Variants in RCL1 observed in about 807,000 individuals in gnomAD.
RCL1 encodes RNA terminal phosphate cyclase like 1, also known as RNA 3'-terminal phosphate cyclase-like protein.
A neutral mutation model predicts 42.4 loss-of-function variants in RCL1; 24 were observed. The ratio of observed to expected loss-of-function variants is 0.57; its 90% CI spans 0.41 to 0.80. RCL1 has a LOEUF of 0.80. Among genes scored for constraint, RCL1 ranks in the 30% least tolerant of loss-of-function variants. The pLI, the probability that RCL1 is intolerant of heterozygous loss-of-function variation, is 0.00. For missense variants in RCL1, 578 were observed against 467.9 expected (o/e 1.24, Z -2.17); for synonymous variants, 228 against 177.3 (o/e 1.29, Z -2.27).
Position 4,860,237 on chromosome 9 carries a change from G to A in RCL1, c.1084G>A (p.Gly362Ser). The change falls in exon 9 of 9, where the codon GGC becomes AGC. Residue 362 changes from glycine to serine, a missense_variant. Gly to Ser is a moderately conservative substitution (Grantham distance 56). Transcript: ENST00000381750. ...GGDKVLMTCV[G>S]IGFSNLSKTL... is the part of the protein sequence containing the mutation. ...GGATAAAGTGCTGATGACCTGTGTT[G>A]GCATTGGTTTCTCCAACCTTAGCAA... 1.2e-6 allele frequency: 2 copies of A among 1,613,566 alleles called. No individual in the cohort carries two copies. The highest frequency in any genetic ancestry group is 1.7e-6 in the Non-Finnish European group (2 of 1,179,794).
chr9:4,817,235 G>A (rs1210943746), intron 1 of RCL1, among the ~76,000 whole-genome samples: 1 of 151,854 alleles, frequency 6.6e-6, no homozygotes, highest in African/African-American at 2.4e-5. Flanking sequence ...GTCCTTTTGT[G>A]TCCTTTTCAT....
At chr9:4,799,129 CCT>C (rs1842959490) in intron 1 of RCL1, among the ~76,000 whole-genome samples, 1 of 143,810 alleles carries the variant, frequency 7.0e-6, no homozygotes, top group Admixed American at 7.2e-5. Context: ...TCCCTTCCTT[CCT>C]CTCTTTCTCT....
chr9:4,795,030 T>G (rs568679347), intron 1 of RCL1, among the ~76,000 whole-genome samples: 13 of 152,208 alleles, frequency 8.5e-5, no homozygotes, highest in Non-Finnish European at 1.9e-4. Context: ...TGTACATCCT[T>G]GCGCTGGCTT....
chr9:4,793,317 G>A, intron 1 of RCL1, 90 bp downstream of exon 1: 1 of 1,385,364 alleles, frequency 7.2e-7, no homozygotes, highest in Non-Finnish European at 9.5e-7. Flanking sequence ...TGTTGGTTGG[G>A]CGGCTCGGCG....
At chr9:4,826,837 C>T (rs201728659) in intron 2 of RCL1, 21 bp from the exon 3 acceptor site, 37 of 1,580,266 alleles carry the variant, frequency 2.3e-5, no homozygotes, top group Non-Finnish European at 2.9e-5. Flanking sequence ...CTGAATGTGG[C>T]TCTTTTTCTT....
chr9:4,823,560 G>A lies in RCL1; in HGVS notation c.149G>A (p.Ser50Asn). The change falls in exon 2 of 9, where the codon AGC (serine) becomes AAC (asparagine). Residue 50 changes from serine (S) to asparagine (N), a missense_variant. By Grantham distance (46) the Ser-to-Asn change is conservative. Coordinates refer to ENST00000381750, the MANE Select transcript of RCL1 (RefSeq NM_005772.5). ...DNPGLRDFEA[S>N]FIRLLDKITN... ...TTTTTCTTCACAGATTTTGAAGCCA[G>A]CTTCATAAGGCTATTGGACAAAATA... 6.2e-7 allele frequency: 1 copy of A among 1,610,100 alleles called. No individual in the cohort carries two copies. The highest frequency in any genetic ancestry group is 8.5e-7 in the Non-Finnish European group (1 of 1,178,464).
At chr9:4,816,155 CTT>C (rs1816368879) in intron 1 of RCL1, among the ~76,000 whole-genome samples, 1 of 152,110 alleles carries the variant, frequency 6.6e-6, no homozygotes, top group Admixed American at 6.5e-5. Context: ...TGGATATCCT[CTT>C]TTATGAAGTC....
At chr9:4,835,076 C>A (rs1449392981) in intron 5 of RCL1, among the ~76,000 whole-genome samples, 1 of 152,116 alleles carries the variant, frequency 6.6e-6, no homozygotes, top group Non-Finnish European at 1.5e-5. Context: ...GGTGGCAGTG[C>A]ACAGTGGTTC....
chr9:4,860,241 T>G lies in RCL1; in HGVS notation c.1088T>G (p.Ile363Ser), dbSNP rs773338944. The change falls in exon 9 of 9, where the codon ATT becomes AGT. Residue 363 changes from isoleucine to serine, a missense_variant. Ile to Ser is a moderately radical substitution (Grantham distance 142). Coordinates refer to ENST00000381750, the MANE Select transcript of RCL1 (RefSeq NM_005772.5). ...GDKVLMTCVG[I>S]GFSNLSKTLK ...AAAGTGCTGATGACCTGTGTTGGCA[T>G]TGGTTTCTCCAACCTTAGCAAGACC... 1.9e-6 allele frequency: 3 copies of G among 1,613,632 alleles called. No homozygotes were observed. The South Asian group carries it at 3.3e-5, about 18-fold the overall frequency.
At chr9:4,830,455 A>G (rs1816908252) in intron 3 of RCL1, among the ~76,000 whole-genome samples, 1 of 152,204 alleles carries the variant, frequency 6.6e-6, no homozygotes, top group Non-Finnish European at 1.5e-5. Context: ...AAGAGGAAGA[A>G]GACATTTTTT....
chr9:4,824,182 A>G (rs1238979618), intron 2 of RCL1, among the ~76,000 whole-genome samples: 1 of 152,182 alleles, frequency 6.6e-6, no homozygotes, highest in African/African-American at 2.4e-5. Context: ...GCTGAATTCT[A>G]TTTATTTTAA....
chr9:4,848,017 T>C (rs548017755), intron 7 of RCL1, among the ~76,000 whole-genome samples: 1 of 152,350 alleles, frequency 6.6e-6, no homozygotes, highest in Non-Finnish European at 1.5e-5. Flanking sequence ...CATGATGTCC[T>C]GTACAGGGAC....
intron 5 of RCL1, chr9:4,839,694 G>T: frequency 1.0e-6 from 1 of 985,306 alleles, no homozygotes; most frequent in Non-Finnish European, 1.2e-6. Context: ...CTCATTTCAG[G>T]TTTGTCCTTT....
At chr9:4,852,838 G>A (rs887703397) in intron 8 of RCL1, among the ~76,000 whole-genome samples, 7 of 151,352 alleles carry the variant, frequency 4.6e-5, no homozygotes, top group South Asian at 2.1e-4. Context: ...AGAGTAGCCC[G>A]GTCAGGTCAC....
chr9:4,841,193 G>C (rs1817306870), intron 5 of RCL1, 39 bp from the exon 6 acceptor site: 1 of 1,613,036 alleles, frequency 6.2e-7, no homozygotes, highest in African/African-American at 1.3e-5. Context: ...CTCTGTCCTG[G>C]AATTCAAGCA....
At chr9:4,809,816 T>C (rs1232805478) in intron 1 of RCL1, among the ~76,000 whole-genome samples, 1 of 152,062 alleles carries the variant, frequency 6.6e-6, no homozygotes, top group East Asian at 1.9e-4. Flanking sequence ...GGTTTTTTCT[T>C]TGCTTTTTGT....
chr9:4,850,280 G>C (rs772638271), intron 8 of RCL1: 2 of 532,202 alleles, frequency 3.8e-6, no homozygotes, highest in East Asian at 1.1e-4. Context: ...GGAATATTCA[G>C]GTAGATATGA....
intron 5 of RCL1, among the ~76,000 whole-genome samples, chr9:4,840,621 A>G (rs1383312234): frequency 6.6e-6 from 1 of 152,210 alleles, no homozygotes; most frequent in African/African-American, 2.4e-5. Context: ...TGTTATCCAC[A>G]AGTGGAGTAA....
chr9:4,829,006 G>A (rs1008396469), intron 3 of RCL1, among the ~76,000 whole-genome samples: 8 of 152,072 alleles, frequency 5.3e-5, no homozygotes, highest in African/African-American at 1.9e-4. Flanking sequence ...TTTTCTTTGT[G>A]GTTTCCTCAT....
Sources: allele counts gnomAD v4.1 joint callset (sites outside exome capture counted in the v4.1 genomes callset), GRCh38; gene constraint gnomAD v4.1.1; transcripts MANE v1.5; gene names NCBI Gene and HGNC (gene_info 2026-07-23, HGNC 2026-07-21).